ADGRL2: variants seen among roughly 807,000 people sequenced by gnomAD.
The protein encoded by ADGRL2 is adhesion G protein-coupled receptor L2.
Under a neutral mutation model 157.4 loss-of-function variants are expected in ADGRL2, and 44 were observed. That is an observed-to-expected ratio of 0.28 (90% CI 0.22 to 0.36). The LOEUF is 0.36. Among genes scored for constraint, ADGRL2 ranks in the 10% least tolerant of loss-of-function variants. The pLI is 1.00. For synonymous variants in ADGRL2, 585 were observed against 624.7 expected (o/e 0.94, Z 0.95); for missense variants, 1,510 against 1,768.9 (o/e 0.85, Z 2.63).
chr1:81,422,738 A>G (rs955293451), intron 1 of ADGRL2, among the ~76,000 whole-genome samples: 5 of 152,204 alleles, frequency 3.3e-5, no homozygotes, highest in Admixed American at 6.5e-5. Context: ...TTTTCTCATC[A>G]ATATACTGAA....
At chr1:81,832,175 T>G (rs1318628087) in intron 1 of ADGRL2, among the ~76,000 whole-genome samples, 1 of 152,200 alleles carries the variant, frequency 6.6e-6, no homozygotes, top group Non-Finnish European at 1.5e-5. Flanking sequence ...GGAGTCTCAC[T>G]GTGTCACCCA....
At chr1:81,645,193 C>A (rs1279074348) in intron 3 of ADGRL2, among the ~76,000 whole-genome samples, 1 of 151,714 alleles carries the variant, frequency 6.6e-6, no homozygotes, top group Admixed American at 6.6e-5. Flanking sequence ...AGTTCAAGAC[C>A]AGCCTGGGCA....
At chr1:81,624,649 A>G (rs1400831218) in intron 3 of ADGRL2, among the ~76,000 whole-genome samples, 1 of 152,192 alleles carries the variant, frequency 6.6e-6, no homozygotes, top group African/African-American at 2.4e-5. Context: ...TCAGAGATAG[A>G]GATGTCAATT....
At chr1:81,571,837 A>G (rs1308944232) in intron 2 of ADGRL2, among the ~76,000 whole-genome samples, 1 of 152,152 alleles carries the variant, frequency 6.6e-6, no homozygotes, top group African/African-American at 2.4e-5. Context: ...TGTGTCCAAC[A>G]CAGAATAGGC....
At chr1:81,385,135 T>C (rs567263181) in intron 1 of ADGRL2, among the ~76,000 whole-genome samples, 1 of 152,294 alleles carries the variant, frequency 6.6e-6, no homozygotes, top group South Asian at 2.1e-4. Context: ...GAGAGAATAC[T>C]TAAATTTTAT....
intron 3 of ADGRL2, among the ~76,000 whole-genome samples, chr1:81,623,604 A>G (rs1037214172): frequency 6.8e-6 from 1 of 147,870 alleles, no homozygotes; most frequent in Non-Finnish European, 1.5e-5. Context: ...CTAGGTCAGT[A>G]TGGGCCCTAA....
At chr1:81,494,233 T>C (rs1009117837) in intron 2 of ADGRL2, among the ~76,000 whole-genome samples, 1 of 152,170 alleles carries the variant, frequency 6.6e-6, no homozygotes, top group Non-Finnish European at 1.5e-5. Flanking sequence ...CTTCAATCAA[T>C]CAGCAACATT....
chr1:81,378,634 C>T (rs2076293034), intron 1 of ADGRL2, among the ~76,000 whole-genome samples: 1 of 150,718 alleles, frequency 6.6e-6, no homozygotes, highest in Non-Finnish European at 1.5e-5. Context: ...ATGTAACCTC[C>T]CCATGACTTA....
intron 2 of ADGRL2, chr1:81,557,524 A>G (rs1053912493): frequency 6.7e-6 from 1 of 150,128 alleles, no homozygotes; most frequent in African/African-American, 2.5e-5. Flanking sequence ...AAAGAAAGAA[A>G]GAGAAGAAAG....
At chr1:81,797,974 A>G (rs1193836785), upstream of ADGRL2, among the ~76,000 whole-genome samples, 1 of 152,164 alleles carries the variant, frequency 6.6e-6, no homozygotes, top group Non-Finnish European at 1.5e-5. Context: ...TGTCCTTTGT[A>G]GAATTTATTT....
intron 2 of ADGRL2, among the ~76,000 whole-genome samples, chr1:81,463,872 C>A (rs1303556512): frequency 6.6e-6 from 1 of 152,134 alleles, no homozygotes; most frequent in East Asian, 1.9e-4. Context: ...CACCACCACT[C>A]TCATTAAAAG....
intron 11 of ADGRL2, among the ~76,000 whole-genome samples, chr1:81,965,622 A>G (rs936800836): frequency 7.2e-5 from 11 of 152,248 alleles, no homozygotes; most frequent in African/African-American, 2.4e-4. Context: ...TTTGTACTTC[A>G]TATTAGTTTT....
At position 81,953,930 on chromosome 1, in the gene ADGRL2, G is replaced by C. The variant is rs565563096; in HGVS notation, c.1833+905G>C. Among the ~76,000 whole-genome samples the C allele has an allele frequency of 5.3e-5, 8 of 152,180 alleles. No homozygotes were observed. The South Asian group carries it at 1.7e-3, about 32-fold the overall frequency. Reference sequence around the variant, plus strand: ...AAAAAGGCATGACTTCACTAATTTTGGTTGGCAAGGTCTAGGAAAAAATGA... The same window carrying C: ...AAAAAGGCATGACTTCACTAATTTTCGTTGGCAAGGTCTAGGAAAAAATGA... On this transcript the variant is annotated intron_variant, in intron 10 of 23. Coordinates refer to ENST00000686636, the MANE Select transcript of ADGRL2 (RefSeq NM_001366006.2).
chr1:81,980,386 T>C (rs1558042940), intron 18 of ADGRL2, among the ~76,000 whole-genome samples: 1 of 151,778 alleles, frequency 6.6e-6, no homozygotes, highest in African/African-American at 2.4e-5. Context: ...AACTTGAAGA[T>C]TATCTGTTGT....
At chr1:81,970,603 G>C in intron 16 of ADGRL2, 69 bp downstream of exon 16, 1 of 1,133,410 alleles carries the variant, frequency 8.8e-7, no homozygotes. Flanking sequence ...AGCTGTCAGT[G>C]AGGGTCCCTG....
At chr1:81,840,580 G>T (rs1475218719) in intron 2 of ADGRL2, among the ~76,000 whole-genome samples, 2 of 151,928 alleles carry the variant, frequency 1.3e-5, no homozygotes. Flanking sequence ...TTATACAAAG[G>T]TTTAATTGTT....
At chr1:81,398,857 A>G (rs943580902) in intron 1 of ADGRL2, among the ~76,000 whole-genome samples, 1 of 152,136 alleles carries the variant, frequency 6.6e-6, no homozygotes, top group African/African-American at 2.4e-5. Flanking sequence ...ACTTTTGACA[A>G]CTTGACTATA....
Position 81,837,024 on chromosome 1 carries a change from A to C in ADGRL2, c.40A>C (p.Ile14Leu), listed in dbSNP as rs746491038. 6.3e-7 allele frequency: 1 copy of C among 1,593,586 alleles called. No homozygotes were observed. Among genetic ancestry groups the C allele is most frequent in the Non-Finnish European group, 8.5e-7 (1 of 1,171,424 alleles). Residue 14 changes from isoleucine to leucine, a missense_variant, in exon 2 of 24, where the codon ATC becomes CTC. Ile to Leu is a conservative substitution (Grantham distance 5). Coordinates refer to ENST00000686636, the MANE Select transcript of ADGRL2 (RefSeq NM_001366006.2). ...SGCRMRSLWFIIVISFLPNTE... is the reference protein window; with the variant it reads ...SGCRMRSLWFLIVISFLPNTE... ...TTGCAGAATGCGAAGTCTGTGGTTT[A>C]TCATTGTAATCAGCTTCTTACCAAA... is the stretch of plus-strand genomic sequence containing the variant.
intron 1 of ADGRL2, among the ~76,000 whole-genome samples, chr1:81,709,102 A>G (rs979585650): frequency 6.6e-6 from 1 of 152,160 alleles, no homozygotes; most frequent in African/African-American, 2.4e-5. Context: ...ATATTCTAAA[A>G]AGAAAAACTA....
Sources: allele counts gnomAD v4.1 joint callset (sites outside exome capture counted in the v4.1 genomes callset), GRCh38; gene constraint gnomAD v4.1.1; transcripts MANE v1.5; gene names NCBI Gene and HGNC (gene_info 2026-07-23, HGNC 2026-07-21).